Variants in CST3 observed in about 807,000 individuals in gnomAD.
CST3 encodes cystatin C.
A neutral mutation model predicts 9.0 loss-of-function variants in CST3; 14 were observed. That is an observed-to-expected ratio of 1.56 (90% confidence interval 1.03 to 2.44). The LOEUF is 2.44. Ranked by LOEUF, CST3 falls within the 30% of genes most tolerant of loss-of-function variation. The pLI, the probability that CST3 is intolerant of heterozygous loss-of-function variation, is 0.00. For missense variants in CST3, 237 were observed against 204.3 expected, an observed-to-expected ratio of 1.16 and a Z score of -0.98; for synonymous variants, 96 against 90.2, an observed-to-expected ratio of 1.06 and a Z score of -0.37.
chr20:23,635,185 C>G, intron 2 of CST3, 69 bp downstream of exon 2: 1 of 805,708 alleles, frequency 1.2e-6, no homozygotes, highest in South Asian at 2.3e-5. Context: ...ATGTGCATCA[C>G]ACACACACAC....
At position 23,633,916 on chromosome 20, in the gene CST3, C is replaced by A; in HGVS notation, c.441G>T (p.Ter147TyrextTer68). 1.9e-6 allele frequency: 3 copies of A among 1,613,878 alleles called. No individual in the cohort carries two copies. Among genetic ancestry groups the A allele is most frequent in the Non-Finnish European group, 2.5e-6 (3 of 1,179,790 alleles). ...TLSKSTCQDA* is the reference protein window; with the variant it reads ...TLSKSTCQDAY ...GCACAGGCCAGCCCGGTACAGACCC[C>A]TAGGCGTCCTGACAGGTGGATTTCG... The change falls in exon 3 of 3, where the codon TAG (stop) becomes TAT (tyrosine). Residue 147 changes from the stop codon to tyrosine (Y), a stop_lost. Transcript: ENST00000376925.
chr20:23,633,770 G>T lies in CST3; in HGVS notation c.*146C>A, dbSNP rs1220893358. Reference sequence around the variant, plus strand: ...AGCCCCTTGCTGAGCAACAAAGGCCGCCTGCTGCCTTCTCTGTCTGTCTCC... The same window carrying T: ...AGCCCCTTGCTGAGCAACAAAGGCCTCCTGCTGCCTTCTCTGTCTGTCTCC... On this transcript the variant is annotated 3_prime_UTR_variant, in exon 3 of 3. Transcript: ENST00000376925. The T allele has an allele frequency of 1.2e-5, 9 of 744,954 alleles. No individual in the cohort carries two copies. The East Asian group carries it at 2.1e-4, about 17-fold the overall frequency. 46.1% of individuals were successfully genotyped at this position (744,954 alleles called of 1,614,324 possible).
downstream of CST3, chr20:23,632,447 G>A (rs1231548307): frequency 6.6e-6 from 1 of 152,298 alleles, no homozygotes; most frequent in East Asian, 1.9e-4. Context: ...GTGAGGCCCA[G>A]ACTCAAATCT....
At chr20:23,637,342 T>C (rs1162001782) in intron 1 of CST3, among the ~76,000 whole-genome samples, 1 of 152,224 alleles carries the variant, frequency 6.6e-6, no homozygotes, top group Non-Finnish European at 1.5e-5. Context: ...GTCCTGTGCC[T>C]GCCCCCGCGC....
intron 1 of CST3, among the ~76,000 whole-genome samples, chr20:23,637,130 C>T (rs1239655691): frequency 1.3e-5 from 2 of 152,152 alleles, no homozygotes; most frequent in Non-Finnish European, 2.9e-5. Flanking sequence ...TACAGGGATG[C>T]CCTGTGCTAT....
chr20:23,632,365 C>T (rs979088491), downstream of CST3: 5 of 152,282 alleles, frequency 3.3e-5, no homozygotes, highest in African/African-American at 1.2e-4. Flanking sequence ...TTACCACTGA[C>T]CACAACCACC....
chr20:23,628,132 C>T (rs1351473181), exon 4 of CST3: 1 of 151,588 alleles, frequency 6.6e-6, no homozygotes, highest in Non-Finnish European at 1.5e-5. Flanking sequence ...TTGAGGGTTT[C>T]CTGAGTTCAA....
intron 1 of CST3, among the ~76,000 whole-genome samples, chr20:23,636,244 C>T (rs1979671498): frequency 6.6e-6 from 1 of 152,200 alleles, no homozygotes; most frequent in Admixed American, 6.5e-5. Context: ...AGAAACGCGG[C>T]TGGTCTGGAC....
chr20:23,633,917 T>G lies in CST3; in HGVS notation c.440A>C (p.Ter147SerextTer68). 6.2e-7 allele frequency: 1 copy of G among 1,613,794 alleles called. No individual in the cohort carries two copies. Among genetic ancestry groups the G allele is most frequent in the Non-Finnish European group, 8.5e-7 (1 of 1,179,710 alleles). ...CACAGGCCAGCCCGGTACAGACCCC[T>G]AGGCGTCCTGACAGGTGGATTTCGA... is the stretch of plus-strand genomic sequence containing the variant. ...TLSKSTCQDA* is the reference protein window; with the variant it reads ...TLSKSTCQDAS The change falls in exon 3 of 3, where the codon TAG becomes TCG. Residue 147 changes from the stop codon to serine (S), a stop_lost. Coordinates refer to ENST00000376925, the MANE Select transcript of CST3 (RefSeq NM_000099.4).
chr20:23,632,797 T>TG (rs993909129), downstream of CST3, among the ~76,000 whole-genome samples: 6 of 152,200 alleles, frequency 3.9e-5, no homozygotes. Flanking sequence ...CTGTGCAGGG[T>TG]GGGCTGTGTC....
intron 2 of CST3, among the ~76,000 whole-genome samples, chr20:23,634,999 CAT>C (rs1979604291): frequency 6.6e-6 from 1 of 152,072 alleles, no homozygotes; most frequent in Admixed American, 6.5e-5. Context: ...TGTGCACACA[CAT>C]ATACTCACAC....
chr20:23,631,955 G>A (rs955320529), downstream of CST3: 5 of 152,234 alleles, frequency 3.3e-5, no homozygotes, highest in South Asian at 4.1e-4. Context: ...GATGAAAGGT[G>A]CAAGGGCGAG....
At position 23,627,688 on chromosome 20, in the gene CST3, T is replaced by A. The variant is rs188990158; in HGVS notation, c.*1780A>T. ...TGTATAAAGATTCCAATTTGTTATTTGTGGTCTCTTTGACCACAACCATGT... is the reference window on the plus strand; with the variant it reads ...TGTATAAAGATTCCAATTTGTTATTAGTGGTCTCTTTGACCACAACCATGT... On this transcript the variant is annotated 3_prime_UTR_variant, in exon 4 of 4. Coordinates refer to the CST3 transcript ENST00000398411. 3 of 152,360 alleles carry A rather than the reference T, an allele frequency of 2.0e-5. No homozygotes were observed. The East Asian group carries it at 5.8e-4, about 29-fold the overall frequency. The allele number at this position is 152,360 out of a possible 1,614,324, so 9.4% of individuals were successfully genotyped here.
chr20:23,630,968 C>T (rs117679593), downstream of CST3, among the ~76,000 whole-genome samples: 445 of 152,096 alleles, frequency 2.9e-3, no homozygotes, highest in Non-Finnish European at 4.8e-3. Context: ...GAAGGTATTG[C>T]AAGATGCATG....
At chr20:23,637,534 G>A in intron 1 of CST3, 86 bp downstream of exon 1, 1 of 1,283,120 alleles carries the variant, frequency 7.8e-7, no homozygotes, top group Non-Finnish European at 1.0e-6. Flanking sequence ...GCGCCGGAGA[G>A]GAGCAGCACG....
At position 23,634,053 on chromosome 20, in the gene CST3, G is replaced by A. The variant is rs75719749; in HGVS notation, c.358-54C>T. 1.1e-3 allele frequency: 1,543 copies of A among 1,444,200 alleles called. 10 individuals carry two copies. The African/African-American group carries it at 0.019, about 17-fold the overall frequency. The allele number at this position is 1,444,200 out of a possible 1,614,324, so 89.5% of individuals were successfully genotyped here. On this transcript the variant is annotated intron_variant, in intron 2 of 2. Coordinates refer to ENST00000376925, the MANE Select transcript of CST3 (RefSeq NM_000099.4). ...GTGTGGGTTACAGTTCAAAGCAGAA[G>A]ATGCCCAGGCACGGGACATCAGAGT...
intron 2 of CST3, 145 bp downstream of exon 2, chr20:23,635,109 T>C (rs1979609402): frequency 2.6e-6 from 2 of 765,746 alleles, no homozygotes; most frequent in East Asian, 5.4e-5. Flanking sequence ...AAACCTATAC[T>C]TGGAAACACA....
At chr20:23,627,622 T>A (rs1049555914) in exon 4 of CST3, 3 of 152,208 alleles carry the variant, frequency 2.0e-5, no homozygotes, top group African/African-American at 7.2e-5. Context: ...TGTGAAACTG[T>A]TTTCCAAAGC....
chr20:23,633,465 C>G (rs766491118), downstream of CST3, among the ~76,000 whole-genome samples: 33 of 152,320 alleles, frequency 2.2e-4, no homozygotes, highest in Non-Finnish European at 4.1e-4. Flanking sequence ...TGTTTCCCAG[C>G]CCCTGGCTGC....
Sources: allele counts gnomAD v4.1 joint callset (sites outside exome capture counted in the v4.1 genomes callset), GRCh38; gene constraint gnomAD v4.1.1; transcripts MANE v1.5; gene names NCBI Gene and HGNC (gene_info 2026-07-23, HGNC 2026-07-21).